CABIN1: variants seen among roughly 807,000 people sequenced by gnomAD.
CABIN1 encodes calcineurin binding protein 1.
Under a neutral mutation model 227.7 loss-of-function variants are expected in CABIN1, and 133 were observed. That is an observed-to-expected ratio of 0.58 (90% CI 0.51 to 0.67). The LOEUF (loss-of-function observed/expected upper bound fraction) is 0.67. Among genes scored for constraint, CABIN1 ranks in the 30% least tolerant of loss-of-function variants. CABIN1 has a pLI of 0.00. For missense variants in CABIN1, 2,408 were observed against 2,852.5 expected, an observed-to-expected ratio of 0.84 and a Z score of 3.55; for synonymous variants, 1,086 against 1,155.1, an observed-to-expected ratio of 0.94 and a Z score of 1.21.
At chr22:24,152,729 C>T (rs2045557226) in intron 29 of CABIN1, among the ~76,000 whole-genome samples, 1 of 152,038 alleles carries the variant, frequency 6.6e-6, no homozygotes, top group South Asian at 2.1e-4. Flanking sequence ...GCAGGTGGAT[C>T]ATTTGAGATT....
intron 30 of CABIN1, 110 bp from the exon 31 acceptor site, chr22:24,165,420 G>A: frequency 1.0e-6 from 1 of 1,003,362 alleles, no homozygotes; most frequent in Non-Finnish European, 1.5e-6. Flanking sequence ...GGAACACTGA[G>A]GAACAAACAG....
chr22:24,112,966 T>G (rs1376182510), intron 26 of CABIN1, among the ~76,000 whole-genome samples: 2 of 152,188 alleles, frequency 1.3e-5, no homozygotes, highest in African/African-American at 4.8e-5. Context: ...GCCCCGCCCC[T>G]TTTCTTTCTC....
rs138312624 is a variant in CABIN1 at position 24,172,275 on chromosome 22, G to T, written c.6040+280G>T. Among the ~76,000 whole-genome samples, 29 of 152,320 alleles carry T rather than the reference G, an allele frequency of 1.9e-4. No homozygotes were observed. In the East Asian group the frequency reaches 4.8e-3, roughly 25 times the overall value. ...GGAGGGAGGGAGCAAACACCATCACGGACGTGTTTGCTACTGTTTCCTCCC... is the reference window on the plus strand; with the variant it reads ...GGAGGGAGGGAGCAAACACCATCACTGACGTGTTTGCTACTGTTTCCTCCC... On this transcript the variant is annotated intron_variant, in intron 34 of 36. Transcript: ENST00000263119.
In CABIN1 at chr22:24,064,317, T is replaced by C. The variant is rs1487829395; in HGVS notation, c.2037+130T>C. 6.0e-6 allele frequency: 6 copies of C among 999,064 alleles called. No homozygotes were observed. In the Admixed American group the frequency reaches 7.8e-5, roughly 13 times the overall value. 61.9% of individuals were successfully genotyped at this position (999,064 alleles called of 1,614,324 possible). ...ACCTCTGGGGTTCAAGGGATTCTCC[T>C]GCCTCAGCCTCCTGAGTAGCTGGGA... On this transcript the variant is annotated intron_variant, in intron 15 of 36. Transcript: ENST00000263119.
Position 24,150,846 on chromosome 22 carries a change from C to T in CABIN1, c.4747-13554C>T, listed in dbSNP as rs116875988. Among the ~76,000 whole-genome samples, 68 of 152,296 alleles carry T rather than the reference C, an allele frequency of 4.5e-4. 1 individual carries two copies. In the East Asian group the frequency reaches 8.5e-3, roughly 19 times the overall value. The stretch of plus-strand genomic sequence containing the variant: ...CTGGTCCGAACCAGTGACCCTCTTC[C>T]TGGCAGATGGACCCTGTCCCATTCC... On this transcript the variant is annotated intron_variant, in intron 29 of 36. Transcript: ENST00000263119.
chr22:24,175,009 C>T (rs1276634892), intron 34 of CABIN1, among the ~76,000 whole-genome samples: 3 of 152,180 alleles, frequency 2.0e-5, no homozygotes, highest in African/African-American at 4.8e-5. Flanking sequence ...ATCAAGCAGG[C>T]CAAAGCTGTA....
intron 10 of CABIN1, 46 bp downstream of exon 10, chr22:24,056,406 C>T: frequency 1.3e-6 from 2 of 1,567,880 alleles, no homozygotes; most frequent in Non-Finnish European, 1.8e-6. Context: ...CCACAAAGCT[C>T]CAGCATACAC....
intron 29 of CABIN1, among the ~76,000 whole-genome samples, chr22:24,151,790 T>G (rs1330737403): frequency 6.6e-6 from 1 of 152,184 alleles, no homozygotes; most frequent in African/African-American, 2.4e-5. Flanking sequence ...TGGTACCCAC[T>G]GCCACACGCA....
chr22:24,032,843 G>A (rs1365972328), intron 1 of CABIN1, among the ~76,000 whole-genome samples: 1 of 152,136 alleles, frequency 6.6e-6, no homozygotes, highest in African/African-American at 2.4e-5. Context: ...TTGGAAGGCC[G>A]AGGTGGGTGG....
chr22:24,087,474 G>C lies in CABIN1; in HGVS notation c.3286G>C (p.Ala1096Pro), dbSNP rs1164500719. ...CAGGTTTGATTCCTGGGCAGGCATG[G>C]CTCTGGCCCGGGCCAGCCGCATTCA... The part of the protein sequence containing the change: ...PNRFDSWAGM[A>P]LARASRIQDK... Residue 1096 changes from alanine to proline, a missense_variant, in exon 23 of 37, where the codon GCT becomes CCT. Transcript: ENST00000263119. The C allele has an allele frequency of 6.2e-7, 1 of 1,613,966 alleles. No homozygotes were observed. Among genetic ancestry groups the C allele is most frequent in the Admixed American group, 1.7e-5 (1 of 60,030 alleles).
intron 26 of CABIN1, chr22:24,102,120 C>A: frequency 6.6e-6 from 1 of 152,402 alleles, no homozygotes; most frequent in Non-Finnish European, 1.5e-5. Flanking sequence ...CTCCCTCCAC[C>A]CCTAGCCAGA....
intron 8 of CABIN1, among the ~76,000 whole-genome samples, chr22:24,054,082 T>A (rs1383891638): frequency 6.6e-6 from 1 of 152,156 alleles, no homozygotes; most frequent in Non-Finnish European, 1.5e-5. Flanking sequence ...AGAGAGCTAA[T>A]GTAGCAGGAT....
In CABIN1 at chr22:24,160,877, C is replaced by T. The variant is rs1014253073; in HGVS notation, c.4747-3523C>T. On this transcript the variant is annotated intron_variant, in intron 29 of 36. Transcript: ENST00000263119. The stretch of plus-strand genomic sequence containing the variant: ...GACAGGGCAAGAGCACAGGCTGGCC[C>T]GGCAGCATCCTACCACCTCCACTTA... 1.2e-4 allele frequency among the ~76,000 whole-genome samples: 19 copies of T among 152,356 alleles called. No individual in the cohort carries two copies. In the East Asian group the frequency reaches 1.7e-3, roughly 14 times the overall value.
At chr22:24,161,596 G>A (rs893267841) in intron 29 of CABIN1, among the ~76,000 whole-genome samples, 6 of 152,286 alleles carry the variant, frequency 3.9e-5, no homozygotes, top group South Asian at 2.1e-4. Flanking sequence ...CTCAGATGCC[G>A]TGGGGGTGTT....
At chr22:24,072,312 C>T (rs749632277) in intron 17 of CABIN1, 42 bp from the exon 18 acceptor site, 20 of 1,612,538 alleles carry the variant, frequency 1.2e-5, no homozygotes, top group Non-Finnish European at 1.5e-5. Context: ...GAAGGCTTAC[C>T]CTGCTGTGAC....
chr22:24,176,089 C>CA, intron 34 of CABIN1, 22 bp from the exon 35 acceptor site: 1 of 1,606,230 alleles, frequency 6.2e-7, no homozygotes, highest in Non-Finnish European at 8.5e-7. Flanking sequence ...CTATTACCTG[C>CA]AGTGAGCCCA....
intron 8 of CABIN1, among the ~76,000 whole-genome samples, chr22:24,052,400 C>A (rs2038405663): frequency 1.3e-5 from 2 of 151,904 alleles, no homozygotes; most frequent in Admixed American, 6.6e-5. Context: ...CTTTAAAGAG[C>A]CAGAGAGTAA....
At chr22:24,040,063 A>G (rs548593364) in intron 4 of CABIN1, among the ~76,000 whole-genome samples, 12 of 152,320 alleles carry the variant, frequency 7.9e-5, no homozygotes, top group Non-Finnish European at 1.3e-4. Flanking sequence ...TGTTATGTGC[A>G]TGTCCATGTG....
chr22:24,070,091 G>A (rs79174851), intron 16 of CABIN1, among the ~76,000 whole-genome samples: 2,269 of 151,412 alleles, frequency 0.015, 27 homozygotes, highest in Non-Finnish European at 0.024. Context: ...GGAGCTTTGC[G>A]AAAAGCAGTG....
Sources: allele counts gnomAD v4.1 joint callset (sites outside exome capture counted in the v4.1 genomes callset), GRCh38; gene constraint gnomAD v4.1.1; transcripts MANE v1.5; gene names NCBI Gene and HGNC (gene_info 2026-07-23, HGNC 2026-07-21).